GALNT1: variants seen among roughly 807,000 people sequenced by gnomAD.
GALNT1 encodes the protein GalNAc transferase 1.
GALNT1 carries 17 observed loss-of-function variants against 65.7 expected under a neutral mutation model. That is an observed-to-expected ratio of 0.26 (90% CI 0.18 to 0.39). GALNT1 has a LOEUF of 0.39. GALNT1 is among the 10% of genes least tolerant of loss of function. The pLI is 1.00. For missense variants in GALNT1, 460 were observed against 672.8 expected (o/e 0.68, Z 3.50); for synonymous variants, 210 against 219.7 (o/e 0.96, Z 0.39).
intron 8 of GALNT1, among the ~76,000 whole-genome samples, chr18:35,691,645 C>G (rs1030065562): frequency 1.3e-5 from 2 of 152,194 alleles, no homozygotes; most frequent in South Asian, 4.1e-4. Context: ...AGGCTTTCGT[C>G]AAGTATCACA....
At chr18:35,611,040 C>A (rs1026911222) in intron 1 of GALNT1, among the ~76,000 whole-genome samples, 30 of 146,958 alleles carry the variant, frequency 2.0e-4, no homozygotes, top group Non-Finnish European at 7.5e-5. Context: ...GTCTTGATGA[C>A]CCCTTGAGTT....
At chr18:35,674,228 A>G (rs1245405171) in intron 3 of GALNT1, among the ~76,000 whole-genome samples, 1 of 152,194 alleles carries the variant, frequency 6.6e-6, no homozygotes, top group African/African-American at 2.4e-5. Context: ...AGACTTTATC[A>G]ACACTGTACA....
At chr18:35,666,637 A>G (rs1315405010) in intron 3 of GALNT1, among the ~76,000 whole-genome samples, 1 of 152,192 alleles carries the variant, frequency 6.6e-6, no homozygotes, top group African/African-American at 2.4e-5. Flanking sequence ...GTTTTTGAAG[A>G]TACTTTTATT....
intron 4 of GALNT1, among the ~76,000 whole-genome samples, chr18:35,681,983 G>A (rs1164606767): frequency 1.3e-5 from 2 of 151,988 alleles, no homozygotes; most frequent in African/African-American, 4.8e-5. Flanking sequence ...TATATAATGA[G>A]ACTAGCATTA....
intron 1 of GALNT1, among the ~76,000 whole-genome samples, chr18:35,611,290 T>TA (rs759883798): frequency 1.1e-4 from 17 of 152,202 alleles, no homozygotes; most frequent in Non-Finnish European, 2.2e-4. Flanking sequence ...TTGGCTGAGC[T>TA]ACTAAATTGG....
intron 1 of GALNT1, among the ~76,000 whole-genome samples, chr18:35,613,723 G>A (rs1448556390): frequency 6.6e-6 from 1 of 152,140 alleles, no homozygotes. Context: ...ATCCCTCAGT[G>A]GTTGGAAAAG....
At chr18:35,617,221 G>A (rs970667718) in intron 1 of GALNT1, among the ~76,000 whole-genome samples, 1 of 151,976 alleles carries the variant, frequency 6.6e-6, no homozygotes, top group African/African-American at 2.4e-5. Context: ...CAGTGATGTT[G>A]TCTAACTCAT....
chr18:35,657,274 T>C (rs780744809), intron 2 of GALNT1, among the ~76,000 whole-genome samples: 4 of 152,148 alleles, frequency 2.6e-5, no homozygotes, highest in Admixed American at 6.5e-5. Flanking sequence ...TTTTGTATTT[T>C]AGCAGAGATG....
In GALNT1 at chr18:35,709,755, G is replaced by A. The variant is rs771952282; in HGVS notation, c.1665G>A (p.Leu555=). The change falls in exon 12 of 12, where the codon CTG becomes CTA. Residue 555 remains leucine, a synonymous_variant. Transcript: ENST00000269195. The stretch of plus-strand genomic sequence containing the variant: ...AGTGGCTTCTTCGAAACGTCACCCT[G>A]CCAGAAATATTCTGAGACCAAATTT... ...SQQWLLRNVT[L]PEIF 1.2e-6 allele frequency: 2 copies of A among 1,613,974 alleles called. No homozygotes were observed. The highest frequency in any genetic ancestry group is 1.7e-6 in the Non-Finnish European group (2 of 1,179,992).
At chr18:35,707,503 C>T (rs543914165) in intron 11 of GALNT1, among the ~76,000 whole-genome samples, 11 of 152,312 alleles carry the variant, frequency 7.2e-5, no homozygotes, top group Non-Finnish European at 1.2e-4. Flanking sequence ...GTATCTGGAA[C>T]AGGGTTCTCC....
At chr18:35,633,555 A>C in intron 1 of GALNT1, among the ~76,000 whole-genome samples, 1 of 73,454 alleles carries the variant, frequency 1.4e-5, no homozygotes, top group East Asian at 4.4e-4. Context: ...GGGATGGGGG[A>C]GGGGGGAGGG....
intron 1 of GALNT1, among the ~76,000 whole-genome samples, chr18:35,652,139 CAAAG>C (rs1048612243): frequency 1.3e-5 from 2 of 152,060 alleles, no homozygotes; most frequent in African/African-American, 4.8e-5. Context: ...AGAAACATCT[CAAAG>C]AAGACATTTT....
chr18:35,689,261 G>C lies in GALNT1; in HGVS notation c.949G>C (p.Gly317Arg). ...ATATGATGCTGGAATGGATATTTGG[G>C]GAGGAGAAAACCTAGAAATTTCCTT... Reference protein sequence around the residue: ...GTYDAGMDIWGGENLEISFRI... With the variant: ...GTYDAGMDIWRGENLEISFRI... The change falls in exon 7 of 12, where the codon GGA becomes CGA. Residue 317 changes from glycine (G) to arginine (R), a missense_variant. Coordinates refer to ENST00000269195, the MANE Select transcript of GALNT1 (RefSeq NM_020474.4). 1 of 1,606,754 alleles carries C rather than the reference G, an allele frequency of 6.2e-7. No homozygotes were observed. The highest frequency in any genetic ancestry group is 8.5e-7 in the Non-Finnish European group (1 of 1,177,286).
intron 1 of GALNT1, among the ~76,000 whole-genome samples, chr18:35,592,137 A>G (rs2046452108): frequency 6.6e-6 from 1 of 152,122 alleles, no homozygotes; most frequent in Admixed American, 6.5e-5. Context: ...GGGCTGAGGA[A>G]TAAACCTGAG....
intron 1 of GALNT1, among the ~76,000 whole-genome samples, chr18:35,646,618 G>T (rs2047234519): frequency 1.3e-5 from 2 of 152,310 alleles, no homozygotes; most frequent in Non-Finnish European, 1.5e-5. Context: ...TGCTGGGGGA[G>T]GCCATAGAGT....
At chr18:35,694,707 C>G (rs2048026145) in intron 9 of GALNT1, among the ~76,000 whole-genome samples, 1 of 152,190 alleles carries the variant, frequency 6.6e-6, no homozygotes, top group Admixed American at 6.5e-5. Context: ...GCCCAGCTAG[C>G]AATGCTTAGG....
chr18:35,600,418 G>T (rs554119002), intron 1 of GALNT1, among the ~76,000 whole-genome samples: 1 of 152,260 alleles, frequency 6.6e-6, no homozygotes, highest in African/African-American at 2.4e-5. Flanking sequence ...CTAGTAGTTT[G>T]CTGATGGAGT....
chr18:35,629,357 A>G (rs1300324602), intron 1 of GALNT1, among the ~76,000 whole-genome samples: 1 of 152,240 alleles, frequency 6.6e-6, no homozygotes. Flanking sequence ...CATCAGACTA[A>G]CAGCTGATCT....
chr18:35,600,904 T>A (rs1251445897), intron 1 of GALNT1, among the ~76,000 whole-genome samples: 46 of 152,278 alleles, frequency 3.0e-4, no homozygotes, highest in Non-Finnish European at 4.4e-5. Flanking sequence ...GTTTTCTTTT[T>A]TTGTTGTGTC....
Sources: gnomAD v4.1 joint callset for allele counts (sites outside exome capture counted in the v4.1 genomes callset) on GRCh38, gnomAD v4.1.1 for gene constraint, MANE v1.5 for transcripts, NCBI Gene and HGNC (gene_info 2026-07-23, HGNC 2026-07-21) for gene names.